Variants in KIAA0825 observed in about 807,000 individuals in gnomAD.
KIAA0825 encodes KIAA0825.
A neutral mutation model predicts 147.6 loss-of-function variants in KIAA0825; 119 were observed. The observed-to-expected ratio is 0.81, with a 90% CI of 0.69 to 0.94. The LOEUF (loss-of-function observed/expected upper bound fraction) is 0.94, where lower values mean the gene tolerates loss of function less well. Among genes scored for constraint, KIAA0825 ranks in the 40% least tolerant of loss-of-function variants. The probability of loss-of-function intolerance (pLI) is 0.00; values close to 1 mark genes in which losing one functional copy is unlikely to be tolerated. For synonymous variants in KIAA0825, 470 were observed against 518.1 expected, an observed-to-expected ratio of 0.91 and a Z score of 1.26; for missense variants, 1,381 against 1,472.7, an observed-to-expected ratio of 0.94 and a Z score of 1.02.
At chr5:94,205,573 G>T (rs1772119403) in intron 20 of KIAA0825, among the ~76,000 whole-genome samples, 1 of 152,042 alleles carries the variant, frequency 6.6e-6, no homozygotes, top group African/African-American at 2.4e-5. Context: ...TTACAGGCGT[G>T]AGCCACCATG....
chr5:94,205,746 C>A (rs2150033437), intron 20 of KIAA0825, among the ~76,000 whole-genome samples: 1 of 152,214 alleles, frequency 6.6e-6, no homozygotes, highest in African/African-American at 2.4e-5. Flanking sequence ...TTGCCATAGA[C>A]CCACTGCTAT....
intron 20 of KIAA0825, among the ~76,000 whole-genome samples, chr5:94,333,948 G>A (rs1396851619): frequency 3.9e-5 from 6 of 152,072 alleles, no homozygotes; most frequent in Admixed American, 1.3e-4. Flanking sequence ...AAGGAAATAC[G>A]AGAGGACACA....
intron 20 of KIAA0825, among the ~76,000 whole-genome samples, chr5:94,169,271 T>C (rs745359791): frequency 7.9e-5 from 12 of 152,178 alleles, no homozygotes; most frequent in Non-Finnish European, 1.8e-4. Context: ...TTGATTGAAA[T>C]TGACTAAGAA....
intron 5 of KIAA0825, 62 bp from the exon 6 acceptor site, chr5:94,484,992 A>G (rs779077287): frequency 3.0e-5 from 35 of 1,178,696 alleles, no homozygotes; most frequent in Non-Finnish European, 4.0e-5. Flanking sequence ...AAATATTAGA[A>G]TGATCTGTGT....
At chr5:94,324,039 C>G (rs1780448439) in intron 20 of KIAA0825, among the ~76,000 whole-genome samples, 3 of 152,028 alleles carry the variant, frequency 2.0e-5, no homozygotes, top group Non-Finnish European at 4.4e-5. Flanking sequence ...AAGGCTAAAT[C>G]AGGAGGCATT....
At position 94,520,372 on chromosome 5, in the gene KIAA0825, A is replaced by G; in HGVS notation, c.846T>C (p.Thr282=). The G allele has an allele frequency of 6.2e-7, 1 of 1,613,504 alleles. No individual in the cohort carries two copies. Among genetic ancestry groups the G allele is most frequent in the Non-Finnish European group, 8.5e-7 (1 of 1,179,514 alleles). ...GAAATTTTGCCATTTCTTCTGTAACAGTATCCAGGTAAGTTTCTTTAATGA... is the reference window on the plus strand; with the variant it reads ...GAAATTTTGCCATTTCTTCTGTAACGGTATCCAGGTAAGTTTCTTTAATGA... The part of the protein sequence containing the change: ...VKFIKETYLD[T]VTEEMAKFLE... Residue 282 remains threonine (T), a synonymous_variant, in exon 5 of 21, where the codon ACT becomes ACC. Coordinates refer to ENST00000682413, the MANE Select transcript of KIAA0825 (RefSeq NM_001145678.3).
intron 20 of KIAA0825, among the ~76,000 whole-genome samples, chr5:94,277,525 A>G (rs1435711129): frequency 6.6e-6 from 1 of 152,236 alleles, no homozygotes; most frequent in Non-Finnish European, 1.5e-5. Context: ...ATCACTGGTC[A>G]TTAGAGAAAT....
chr5:94,520,043 T>C (rs1270387110), intron 5 of KIAA0825: 2 of 1,137,266 alleles, frequency 1.8e-6, no homozygotes, highest in Admixed American at 7.6e-5. Flanking sequence ...CCAATATCTT[T>C]AACAATTTAA....
chr5:94,520,565 T>G lies in KIAA0825; in HGVS notation c.653A>C (p.Lys218Thr). 6.2e-7 allele frequency: 1 copy of G among 1,613,428 alleles called. No homozygotes were observed. The highest frequency in any genetic ancestry group is 8.5e-7 in the Non-Finnish European group (1 of 1,179,492). The change falls in exon 5 of 21, where the codon AAA becomes ACA. Residue 218 changes from lysine to threonine, a missense_variant. Physicochemically the swap from Lys to Thr is moderately conservative, Grantham distance 78 (BLOSUM62 -1). Transcript: ENST00000682413. ...GTTCCACAGAAGATTAGCCAACAGT[T>G]TATTCTGTATGTTTTGGTATTTGAT... The part of the protein sequence containing the change: ...VIIKYQNIQN[K>T]LLANLLWNCF...
chr5:94,187,357 A>AG (rs1478155014), intron 20 of KIAA0825, among the ~76,000 whole-genome samples: 7 of 146,952 alleles, frequency 4.8e-5, no homozygotes, highest in Non-Finnish European at 9.0e-5. Context: ...ATTGGAGGGA[A>AG]GGAAAAAAAA....
chr5:94,387,207 A>G (rs1438988280), intron 18 of KIAA0825, among the ~76,000 whole-genome samples: 1 of 152,208 alleles, frequency 6.6e-6, no homozygotes, highest in East Asian at 1.9e-4. Flanking sequence ...ATGTGTCACA[A>G]TGTAATTTTT....
intron 2 of KIAA0825, among the ~76,000 whole-genome samples, chr5:94,564,247 C>T (rs1481193999): frequency 1.6e-5 from 2 of 127,326 alleles, no homozygotes; most frequent in Non-Finnish European, 1.6e-5. Context: ...GACAAGGTCT[C>T]ATTCTGTCAC....
At chr5:94,247,778 C>G (rs972937786) in intron 20 of KIAA0825, among the ~76,000 whole-genome samples, 2 of 152,020 alleles carry the variant, frequency 1.3e-5, no homozygotes, top group Non-Finnish European at 2.9e-5. Context: ...ACTTGGAGGT[C>G]CTTTTTAGCA....
chr5:94,286,949 C>T (rs1013141132), intron 20 of KIAA0825, among the ~76,000 whole-genome samples: 4 of 152,052 alleles, frequency 2.6e-5, no homozygotes, highest in Non-Finnish European at 5.9e-5. Context: ...TCCCTGGGCT[C>T]GTCTTATAAC....
chr5:94,519,924 T>C, intron 5 of KIAA0825: 1 of 766,734 alleles, frequency 1.3e-6, no homozygotes, highest in Non-Finnish European at 1.6e-6. Context: ...TATAAGCATA[T>C]ATACTCATTT....
intron 20 of KIAA0825, among the ~76,000 whole-genome samples, chr5:94,166,066 A>G (rs1035652407): frequency 5.9e-5 from 9 of 152,192 alleles, no homozygotes; most frequent in African/African-American, 1.9e-4. Flanking sequence ...CCAATTCCCC[A>G]TGATGTGCTT....
chr5:94,588,852 G>A (rs777941863), intron 1 of KIAA0825, among the ~76,000 whole-genome samples: 2 of 152,112 alleles, frequency 1.3e-5, no homozygotes. Context: ...TAAAAAGGAT[G>A]AGTTCATGTC....
intron 19 of KIAA0825, among the ~76,000 whole-genome samples, chr5:94,385,948 T>A (rs1352380437): frequency 6.6e-6 from 1 of 152,198 alleles, no homozygotes; most frequent in Non-Finnish European, 1.5e-5. Context: ...TGTTACAAAA[T>A]GCCTGGTTCT....
At chr5:94,329,207 T>C (rs999742351) in intron 20 of KIAA0825, among the ~76,000 whole-genome samples, 34 of 151,976 alleles carry the variant, frequency 2.2e-4, no homozygotes, top group African/African-American at 8.2e-4. Flanking sequence ...GAAAATAAGA[T>C]AGAAACAAAC....
Sources: allele counts gnomAD v4.1 joint callset (sites outside exome capture counted in the v4.1 genomes callset), GRCh38; gene constraint gnomAD v4.1.1; transcripts MANE v1.5; gene names NCBI Gene and HGNC (gene_info 2026-07-23, HGNC 2026-07-21).